Variants in KCNH8 observed in about 807,000 individuals in gnomAD.
KCNH8 encodes the protein voltage-gated delayed rectifier potassium channel KCNH8.
In KCNH8, 70 loss-of-function variants were observed where a neutral mutation model predicts 103.6. That is an observed-to-expected ratio of 0.68 (90% CI 0.56 to 0.82). KCNH8 has a LOEUF of 0.82. Among genes scored for constraint, KCNH8 ranks in the 40% least tolerant of loss-of-function variants. The pLI, the probability that KCNH8 is intolerant of heterozygous loss-of-function variation, is 0.00. For missense variants in KCNH8, 1,217 were observed against 1,329.9 expected, an observed-to-expected ratio of 0.92 and a Z score of 1.32; for synonymous variants, 498 against 489.4, an observed-to-expected ratio of 1.02 and a Z score of -0.23.
At chr3:19,213,047 A>G (rs138876265) in intron 1 of KCNH8, among the ~76,000 whole-genome samples, 1 of 152,126 alleles carries the variant, frequency 6.6e-6, no homozygotes, top group East Asian at 1.9e-4. Context: ...CTCATTAATT[A>G]TCTTCTATAT....
chr3:19,404,720 G>A (rs568076722), intron 7 of KCNH8, among the ~76,000 whole-genome samples: 1 of 151,800 alleles, frequency 6.6e-6, no homozygotes, highest in South Asian at 2.1e-4. Flanking sequence ...TTTGATAATG[G>A]GAGCAATGTG....
chr3:19,318,811 G>A (rs953276889), intron 3 of KCNH8, among the ~76,000 whole-genome samples: 1 of 151,440 alleles, frequency 6.6e-6, no homozygotes, highest in Non-Finnish European at 1.5e-5. Flanking sequence ...CTATGCCAAC[G>A]TCTATTACTT....
intron 3 of KCNH8, among the ~76,000 whole-genome samples, chr3:19,320,905 C>A (rs1048568982): frequency 2.6e-5 from 4 of 151,708 alleles, no homozygotes. Context: ...CTGGTTTAAT[C>A]TACGAGGGTT....
intron 2 of KCNH8, among the ~76,000 whole-genome samples, chr3:19,257,815 A>G (rs1443452866): frequency 1.3e-5 from 2 of 152,072 alleles, no homozygotes; most frequent in African/African-American, 4.8e-5. Flanking sequence ...GAAATCTGTT[A>G]TCTCATAGTT....
chr3:19,297,522 G>A (rs1309314687), intron 3 of KCNH8, among the ~76,000 whole-genome samples: 3 of 152,178 alleles, frequency 2.0e-5, no homozygotes, highest in Non-Finnish European at 4.4e-5. Context: ...AAGAGGGATT[G>A]ATTGGCTAAA....
intron 5 of KCNH8, among the ~76,000 whole-genome samples, chr3:19,353,133 G>T (rs1213432953): frequency 1.3e-5 from 2 of 152,106 alleles, no homozygotes; most frequent in East Asian, 3.9e-4. Flanking sequence ...AGAAAATCTA[G>T]AAGAAATGGA....
intron 7 of KCNH8, among the ~76,000 whole-genome samples, chr3:19,410,260 A>G (rs1007768739): frequency 2.6e-5 from 4 of 152,160 alleles, no homozygotes; most frequent in Middle Eastern, 3.2e-3. Context: ...CCACACAATT[A>G]TAGGGAAATT....
chr3:19,265,234 T>C (rs1417781408), intron 2 of KCNH8, among the ~76,000 whole-genome samples: 3 of 152,066 alleles, frequency 2.0e-5, no homozygotes, highest in African/African-American at 7.2e-5. Flanking sequence ...ATCATCCTTA[T>C]AGGTGTCTTA....
At chr3:19,265,803 A>G (rs1186649201) in intron 2 of KCNH8, among the ~76,000 whole-genome samples, 1 of 152,130 alleles carries the variant, frequency 6.6e-6, no homozygotes. Flanking sequence ...AGCAACATGA[A>G]TAATTATAAT....
intron 7 of KCNH8, among the ~76,000 whole-genome samples, chr3:19,401,880 TC>T (rs753552569): frequency 2.6e-5 from 4 of 151,932 alleles, no homozygotes; most frequent in Non-Finnish European, 4.4e-5. Context: ...TTTCTGGGTT[TC>T]AGGTAGCAGA....
chr3:19,361,644 T>C (rs2125109906), intron 5 of KCNH8, among the ~76,000 whole-genome samples: 1 of 152,282 alleles, frequency 6.6e-6, no homozygotes, highest in South Asian at 2.1e-4. Flanking sequence ...AATACCAATT[T>C]ACATATTTGC....
At chr3:19,256,551 C>A (rs2064348825) in intron 2 of KCNH8, among the ~76,000 whole-genome samples, 1 of 152,214 alleles carries the variant, frequency 6.6e-6, no homozygotes. Flanking sequence ...TCTGAAATAT[C>A]CGCTGACTGC....
At chr3:19,383,381 T>TG (rs1418793436) in intron 5 of KCNH8, among the ~76,000 whole-genome samples, 3 of 141,072 alleles carry the variant, frequency 2.1e-5, no homozygotes, top group Non-Finnish European at 3.0e-5. Context: ...TGTTCGTTAA[T>TG]TTTTTTTTTT....
chr3:19,204,943 A>C (rs953132611), intron 1 of KCNH8, among the ~76,000 whole-genome samples: 1 of 152,098 alleles, frequency 6.6e-6, no homozygotes, highest in African/African-American at 2.4e-5. Context: ...TACATGGACA[A>C]GGATGTCAAA....
intron 5 of KCNH8, among the ~76,000 whole-genome samples, chr3:19,350,133 T>C (rs2065780424): frequency 6.6e-6 from 1 of 152,130 alleles, no homozygotes; most frequent in African/African-American, 2.4e-5. Flanking sequence ...TATAGCATAT[T>C]TAGAAAAATG....
chr3:19,227,985 C>T (rs1269921626), intron 1 of KCNH8, among the ~76,000 whole-genome samples: 2 of 152,000 alleles, frequency 1.3e-5, no homozygotes, highest in African/African-American at 4.8e-5. Flanking sequence ...ATCATGTAAG[C>T]GAGGTATAGG....
At chr3:19,347,144 T>C (rs2065739930) in intron 4 of KCNH8, among the ~76,000 whole-genome samples, 1 of 152,086 alleles carries the variant, frequency 6.6e-6, no homozygotes, top group Admixed American at 6.6e-5. Flanking sequence ...GAGATTTGGG[T>C]TCCCAACTTC....
chr3:19,304,883 T>C (rs989938430), intron 3 of KCNH8, among the ~76,000 whole-genome samples: 6 of 152,068 alleles, frequency 3.9e-5, no homozygotes, highest in African/African-American at 1.4e-4. Context: ...AAAAGCCACA[T>C]GTTGCTAGCC....
chr3:19,347,240 A>G (rs1428917209), intron 4 of KCNH8, among the ~76,000 whole-genome samples: 2 of 152,056 alleles, frequency 1.3e-5, no homozygotes, highest in Admixed American at 1.3e-4. Flanking sequence ...ACAATATAAT[A>G]TTGGTCATAT....
Sources: allele counts gnomAD v4.1 joint callset (sites outside exome capture counted in the v4.1 genomes callset), GRCh38; gene constraint gnomAD v4.1.1; transcripts MANE v1.5; gene names NCBI Gene and HGNC (gene_info 2026-07-23, HGNC 2026-07-21).